PCLO: variants seen among roughly 807,000 people sequenced by gnomAD.
PCLO encodes the protein piccolo presynaptic cytomatrix protein.
Under a neutral mutation model 427.5 loss-of-function variants are expected in PCLO, and 82 were observed. That is an observed-to-expected ratio of 0.19 (90% CI 0.16 to 0.23). The LOEUF is 0.23. PCLO is among the 10% of genes least tolerant of loss of function. The probability of loss-of-function intolerance (pLI) is 1.00; values close to 1 mark genes in which losing one functional copy is unlikely to be tolerated. For synonymous variants in PCLO, 2,357 were observed against 2,155.4 expected, an observed-to-expected ratio of 1.09 and a Z score of -2.59; for missense variants, 6,239 against 6,115.9, an observed-to-expected ratio of 1.02 and a Z score of -0.67.
rs1410802215 is a variant in PCLO at position 83,162,600 on chromosome 7, G to A, written c.-8C>T. 3.3e-6 allele frequency: 5 copies of A among 1,531,348 alleles called. No homozygotes were observed. The highest frequency in any genetic ancestry group is 3.5e-6 in the Non-Finnish European group (4 of 1,140,740). 94.9% of individuals were successfully genotyped at this position (1,531,348 alleles called of 1,614,324 possible). ...GCTCGCCTCGTTGCCCATGGCTCAG[G>A]GAGACTCGGGGCCGCCGCGCTCCCT... is the stretch of plus-strand genomic sequence containing the variant. On this transcript the variant is annotated 5_prime_UTR_variant, in exon 1 of 25. Transcript: ENST00000333891.
chr7:82,869,062 G>A (rs369288471), intron 10 of PCLO, among the ~76,000 whole-genome samples: 2 of 152,124 alleles, frequency 1.3e-5, no homozygotes. Context: ...CAACTAGGAT[G>A]AAAATTAATT....
intron 3 of PCLO, among the ~76,000 whole-genome samples, chr7:83,070,108 G>A (rs1789774156): frequency 6.6e-6 from 1 of 151,990 alleles, no homozygotes; most frequent in African/African-American, 2.4e-5. Context: ...TCTCATGCAC[G>A]TGCTCTCTCA....
chr7:83,101,834 C>T (rs947204803), intron 3 of PCLO, among the ~76,000 whole-genome samples: 4 of 152,090 alleles, frequency 2.6e-5, no homozygotes, highest in Non-Finnish European at 2.9e-5. Context: ...ATTCTGAAAT[C>T]TAACATTTCT....
At chr7:82,984,426 G>A (rs2115797170) in intron 3 of PCLO, among the ~76,000 whole-genome samples, 1 of 151,182 alleles carries the variant, frequency 6.6e-6, no homozygotes, top group South Asian at 2.1e-4. Flanking sequence ...GTGTGTGTGT[G>A]TGTGTGTGTG....
chr7:82,760,735 C>T lies in PCLO; in HGVS notation c.15192G>A (p.Val5064=). Residue 5064 remains valine (V), a synonymous_variant, in exon 24 of 25, where the codon GTG becomes GTA. Transcript: ENST00000333891. ...TGCATACTCTTGTTTTTTTCTTGAT[C>T]ACCTTTTTTTGGGTAGAAATATTCA... ...YVMNISTQKK[V]IKKKTRVCRH... is the part of the protein sequence containing the mutation. 1 of 1,557,558 alleles carries T rather than the reference C, an allele frequency of 6.4e-7. No homozygotes were observed. The highest frequency in any genetic ancestry group is 8.8e-7 in the Non-Finnish European group (1 of 1,133,310).
At chr7:83,070,032 T>A (rs1441778385) in intron 3 of PCLO, among the ~76,000 whole-genome samples, 1 of 152,088 alleles carries the variant, frequency 6.6e-6, no homozygotes, top group Admixed American at 6.6e-5. Flanking sequence ...ATAGAAGATA[T>A]GATGGGATAT....
chr7:83,094,449 C>T lies in PCLO; in HGVS notation c.3300+39801G>A, dbSNP rs530303715. ...GTCTCGATCTCTTGACCTCGTGATC[C>T]GCCTGCCTCGGCCTCCCAAAGTGCT... On this transcript the variant is annotated intron_variant, in intron 3 of 24. Coordinates refer to ENST00000333891, the MANE Select transcript of PCLO (RefSeq NM_033026.6). Among the ~76,000 whole-genome samples the T allele has an allele frequency of 2.7e-3, 408 of 152,148 alleles. 1 individual carries two copies. Among genetic ancestry groups the T allele is most frequent in the African/African-American group, 9.3e-3 (386 of 41,528 alleles).
intron 3 of PCLO, among the ~76,000 whole-genome samples, chr7:83,123,809 G>C (rs1163528660): frequency 6.6e-6 from 1 of 151,888 alleles, no homozygotes; most frequent in Non-Finnish European, 1.5e-5. Flanking sequence ...ATAGGCAAAA[G>C]GGTCAGGCGC....
chr7:83,026,353 A>G (rs1387965459), intron 3 of PCLO, among the ~76,000 whole-genome samples: 1 of 151,940 alleles, frequency 6.6e-6, no homozygotes, highest in Non-Finnish European at 1.5e-5. Context: ...CAAAAGAGAC[A>G]AAGAAGGCCA....
At chr7:83,094,740 TG>T (rs1339306639) in intron 3 of PCLO, among the ~76,000 whole-genome samples, 3 of 152,222 alleles carry the variant, frequency 2.0e-5, no homozygotes, top group Non-Finnish European at 4.4e-5. Context: ...TTCATTTTTC[TG>T]GGGTAAGTGC....
At chr7:82,958,509 AT>A (rs1331636986) in intron 4 of PCLO, among the ~76,000 whole-genome samples, 1 of 152,128 alleles carries the variant, frequency 6.6e-6, no homozygotes, top group African/African-American at 2.4e-5. Flanking sequence ...TGCATGGTCA[AT>A]GATCTATCCT....
chr7:83,024,573 G>C (rs79170796), intron 3 of PCLO, among the ~76,000 whole-genome samples: 4 of 152,196 alleles, frequency 2.6e-5, no homozygotes, highest in Non-Finnish European at 4.4e-5. Context: ...AAACAAAGCA[G>C]CCAGGAAGCT....
Position 82,857,349 on chromosome 7 carries a change from T to C in PCLO, c.13655-10102A>G, listed in dbSNP as rs1217380969. Among the ~76,000 whole-genome samples, 3 of 152,174 alleles carry C rather than the reference T, an allele frequency of 2.0e-5. No individual in the cohort carries two copies. In the East Asian group the frequency reaches 5.8e-4, roughly 29 times the overall value. On this transcript the variant is annotated intron_variant, in intron 10 of 24. Transcript: ENST00000333891. ...TAACTGTTGCCTCCTCTGCTTTAAG[T>C]ATTCTTACTGAATTATTAATAATTT...
chr7:83,094,210 C>CTTTTTTTTT (rs767490139), intron 3 of PCLO, among the ~76,000 whole-genome samples: 1 of 126,020 alleles, frequency 7.9e-6, no homozygotes, highest in Non-Finnish European at 1.6e-5. Flanking sequence ...ATTTTTTTTT[C>CTTTTTTTTT]TTTTTTTTTT....
chr7:83,067,216 G>T (rs1321944901), intron 3 of PCLO, among the ~76,000 whole-genome samples: 1 of 152,088 alleles, frequency 6.6e-6, no homozygotes, highest in Non-Finnish European at 1.5e-5. Flanking sequence ...TCAGATAAGG[G>T]ATACTCAATC....
intron 3 of PCLO, among the ~76,000 whole-genome samples, chr7:83,004,553 T>A (rs539491788): frequency 6.6e-6 from 1 of 151,694 alleles, no homozygotes; most frequent in South Asian, 2.1e-4. Context: ...TGTGAAACCA[T>A]AAAAACCATA....
chr7:82,914,890 G>A lies in PCLO; in HGVS notation c.13096C>T (p.Pro4366Ser). The A allele has an allele frequency of 6.2e-7, 1 of 1,613,618 alleles. No individual in the cohort carries two copies. The highest frequency in any genetic ancestry group is 8.5e-7 in the Non-Finnish European group (1 of 1,179,726). ...QNSEEESPLS[P>S]VGQPMGMARA... ...GCCATTCCCATTGGCTGGCCAACAGGACTGAGTGGGCTTTCTTCTTCAGAA... is the reference window on the plus strand; with the variant it reads ...GCCATTCCCATTGGCTGGCCAACAGAACTGAGTGGGCTTTCTTCTTCAGAA... The change falls in exon 7 of 25, where the codon CCT becomes TCT. Residue 4366 changes from proline (P) to serine (S), a missense_variant. By Grantham distance (74) the Pro-to-Ser change is moderately conservative. Around this residue, in one of 5 missense-constraint regions of PCLO, gnomAD observed 680 missense variants for 677.3 expected, o/e 1.00. Coordinates refer to ENST00000333891, the MANE Select transcript of PCLO (RefSeq NM_033026.6).
intron 3 of PCLO, among the ~76,000 whole-genome samples, chr7:83,093,247 G>A (rs1326605417): frequency 6.6e-6 from 1 of 151,108 alleles, no homozygotes. Context: ...AATAAATGTT[G>A]TCTTAATGTA....
At chr7:82,790,115 C>A (rs535015931) in intron 22 of PCLO, among the ~76,000 whole-genome samples, 7 of 152,112 alleles carry the variant, frequency 4.6e-5, no homozygotes, top group African/African-American at 1.7e-4. Flanking sequence ...CGCACCTCTG[C>A]CCCTGCTTGC....
Sources: gnomAD v4.1 joint callset for allele counts (sites outside exome capture counted in the v4.1 genomes callset) on GRCh38, gnomAD v4.1.1 for gene constraint, gnomAD v4.1.1 regional missense constraint, MANE v1.5 for transcripts, NCBI Gene and HGNC (gene_info 2026-07-23, HGNC 2026-07-21) for gene names.